CAMK1D: variants seen among roughly 807,000 people sequenced by gnomAD.
CAMK1D encodes calcium/calmodulin dependent protein kinase ID, also known as calcium/calmodulin-dependent protein kinase type 1D.
In CAMK1D, 9 loss-of-function variants were observed where a neutral mutation model predicts 47.7. The ratio of observed to expected loss-of-function variants is 0.19; its 90% confidence interval spans 0.11 to 0.33. The LOEUF (loss-of-function observed/expected upper bound fraction) is 0.33. Ranked by LOEUF, CAMK1D falls within the 10% of genes least tolerant of loss-of-function variation. CAMK1D has a pLI of 1.00. For synonymous variants in CAMK1D, 184 were observed against 184.9 expected (o/e 0.99, Z 0.04); for missense variants, 291 against 488.7 (o/e 0.60, Z 3.81).
chr10:12,827,838 A>G (rs1415010385), intron 10 of CAMK1D, among the ~76,000 whole-genome samples: 7 of 151,968 alleles, frequency 4.6e-5, no homozygotes, highest in Non-Finnish European at 8.8e-5. Flanking sequence ...ACAGGCATGT[A>G]CCACCGTGCG....
chr10:12,660,175 G>A (rs370781959), intron 2 of CAMK1D, among the ~76,000 whole-genome samples: 2 of 152,224 alleles, frequency 1.3e-5, no homozygotes, highest in African/African-American at 4.8e-5. Flanking sequence ...TGCTTCCAGG[G>A]ATGCCCTGCA....
At chr10:12,358,618 G>T (rs1837579573) in intron 1 of CAMK1D, among the ~76,000 whole-genome samples, 1 of 152,144 alleles carries the variant, frequency 6.6e-6, no homozygotes, top group South Asian at 2.1e-4. Context: ...GGGTATATTT[G>T]CTGAGGCCGG....
At chr10:12,761,206 G>C in intron 4 of CAMK1D, 120 bp downstream of exon 4, 10 of 1,205,038 alleles carry the variant, frequency 8.3e-6, no homozygotes, top group Non-Finnish European at 1.1e-5. Context: ...TGCAGCAGAT[G>C]GTGGGCATTT....
At chr10:12,489,994 G>A (rs1047027364) in intron 1 of CAMK1D, among the ~76,000 whole-genome samples, 1 of 152,200 alleles carries the variant, frequency 6.6e-6, no homozygotes, top group Admixed American at 6.5e-5. Flanking sequence ...AGGTGTGAAC[G>A]GGGCAGGCAC....
At chr10:12,734,015 G>T (rs1835016107) in intron 3 of CAMK1D, among the ~76,000 whole-genome samples, 1 of 151,964 alleles carries the variant, frequency 6.6e-6, no homozygotes, top group Non-Finnish European at 1.5e-5. Flanking sequence ...TGCTTCCCCT[G>T]AGCAGTGGTT....
At chr10:12,718,556 C>T (rs1477462578) in intron 3 of CAMK1D, among the ~76,000 whole-genome samples, 1 of 152,068 alleles carries the variant, frequency 6.6e-6, no homozygotes, top group East Asian at 1.9e-4. Context: ...TGGACTTTTC[C>T]CGAGTAAATT....
chr10:12,638,023 G>C (rs1305776057), intron 2 of CAMK1D, among the ~76,000 whole-genome samples: 6 of 152,190 alleles, frequency 3.9e-5, no homozygotes. Context: ...ACCACAGGCA[G>C]CTGAATGGTG....
chr10:12,834,862 C>T lies in CAMK1D; in HGVS notation c.*5975C>T, dbSNP rs1193933414. ...AGCCCTGCACTTCAGGGCACAGGGG[C>T]CCTGGGACGTGGTTGGCAGCCAGGC... On this transcript the variant is annotated 3_prime_UTR_variant, in exon 11 of 11. Coordinates refer to ENST00000619168, the MANE Select transcript of CAMK1D (RefSeq NM_153498.4). 1.3e-5 allele frequency: 2 copies of T among 152,056 alleles called. No individual in the cohort carries two copies. Among genetic ancestry groups the T allele is most frequent in the African/African-American group, 2.4e-5 (1 of 41,386 alleles). 9.4% of individuals were successfully genotyped at this position (152,056 alleles called of 1,614,324 possible). A position where few individuals can be genotyped will look rare whatever the true frequency, so the allele number is the denominator to read the frequency against.
At chr10:12,366,051 G>A (rs1195850756) in intron 1 of CAMK1D, among the ~76,000 whole-genome samples, 2 of 152,190 alleles carry the variant, frequency 1.3e-5, no homozygotes, top group African/African-American at 2.4e-5. Context: ...ATGAGACTCC[G>A]TCTCAAAAAA....
chr10:12,516,466 G>A (rs973201651), intron 1 of CAMK1D, among the ~76,000 whole-genome samples: 2 of 150,830 alleles, frequency 1.3e-5, no homozygotes, highest in Admixed American at 6.7e-5. Flanking sequence ...GTTTCTATGT[G>A]AACATATGTT....
intron 1 of CAMK1D, among the ~76,000 whole-genome samples, chr10:12,448,377 AT>A (rs11299196): frequency 0.98 from 143,087 of 145,938 alleles, 70,159 homozygotes; most frequent in East Asian, 1. Context: ...TTTAATTTTT[AT>A]TTTTTTTTTG....
chr10:12,758,378 A>G (rs1836333574), intron 3 of CAMK1D, among the ~76,000 whole-genome samples: 1 of 152,128 alleles, frequency 6.6e-6, no homozygotes, highest in Non-Finnish European at 1.5e-5. Context: ...ATATATGACA[A>G]TATCATATTG....
chr10:12,575,319 C>G (rs1010217868), intron 2 of CAMK1D, among the ~76,000 whole-genome samples: 2 of 152,156 alleles, frequency 1.3e-5, no homozygotes, highest in Non-Finnish European at 2.9e-5. Context: ...TCTTGAACTC[C>G]TGACCTTGTG....
intron 2 of CAMK1D, among the ~76,000 whole-genome samples, chr10:12,658,751 G>T (rs115106340): frequency 6.6e-6 from 1 of 152,170 alleles, no homozygotes; most frequent in East Asian, 1.9e-4. Flanking sequence ...GAGCCCAGCC[G>T]CTGGGCAGCA....
intron 3 of CAMK1D, among the ~76,000 whole-genome samples, chr10:12,752,457 G>A (rs1588886929): frequency 6.6e-6 from 1 of 152,090 alleles, no homozygotes; most frequent in East Asian, 1.9e-4. Flanking sequence ...AGGGTAGAAG[G>A]GGGATGATGG....
chr10:12,616,932 G>T (rs1414884295), intron 2 of CAMK1D, among the ~76,000 whole-genome samples: 1 of 152,184 alleles, frequency 6.6e-6, no homozygotes, highest in East Asian at 1.9e-4. Flanking sequence ...CACTTCAGTG[G>T]CATTTATTCG....
intron 3 of CAMK1D, among the ~76,000 whole-genome samples, chr10:12,716,308 T>C (rs913241767): frequency 1.3e-5 from 2 of 152,154 alleles, no homozygotes; most frequent in Non-Finnish European, 2.9e-5. Context: ...ACCCACTAGA[T>C]GCCAGTAGCA....
chr10:12,714,637 T>G (rs12768945), intron 3 of CAMK1D, among the ~76,000 whole-genome samples: 56,970 of 151,990 alleles, frequency 0.37, 12,998 homozygotes, highest in Non-Finnish European at 0.49. Context: ...GAGAATTGCT[T>G]TAATCCAGGA....
intron 1 of CAMK1D, among the ~76,000 whole-genome samples, chr10:12,419,045 G>T (rs1278571484): frequency 6.6e-6 from 1 of 152,190 alleles, no homozygotes; most frequent in African/African-American, 2.4e-5. Flanking sequence ...GAACTTCCCT[G>T]TCTCTTTTGG....
Sources: gnomAD v4.1 joint callset for allele counts (sites outside exome capture counted in the v4.1 genomes callset) on GRCh38, gnomAD v4.1.1 for gene constraint, MANE v1.5 for transcripts, NCBI Gene and HGNC (gene_info 2026-07-23, HGNC 2026-07-21) for gene names.